Variants in CXCL14 observed in about 807,000 individuals in gnomAD.
CXCL14 encodes the protein C-X-C motif chemokine 14.
In CXCL14, 9 loss-of-function variants were observed where a neutral mutation model predicts 16.1. The ratio of observed to expected loss-of-function variants is 0.56; its 90% CI spans 0.34 to 0.97. The LOEUF is 0.97. CXCL14 is among the 50% of genes least tolerant of loss of function. The probability of loss-of-function intolerance (pLI) is 0.02; values close to 1 mark genes in which losing one functional copy is unlikely to be tolerated. For synonymous variants in CXCL14, 55 were observed against 52.8 expected, an observed-to-expected ratio of 1.04 and a Z score of -0.18; for missense variants, 111 against 132.5, an observed-to-expected ratio of 0.84 and a Z score of 0.80.
Position 135,578,521 on chromosome 5 carries a change from G to T in CXCL14, c.83C>A (p.Ser28Tyr). Residue 28 changes from serine to tyrosine, a missense_variant, in exon 2 of 4, where the codon TCC becomes TAC. Physicochemically the swap from Ser to Tyr is moderately radical, Grantham distance 144 (BLOSUM62 -2). Coordinates refer to ENST00000512158, the MANE Select transcript of CXCL14 (RefSeq NM_004887.5). ...ARVDGSKCKCSRKGPKIRYSD... is the reference protein window; with the variant it reads ...ARVDGSKCKCYRKGPKIRYSD... ...GTAGCGGATCTTGGGTCCCTTCCGG[G>T]AGCACTTGCATTTGGACCCTGCGAG... 6.2e-7 allele frequency: 1 copy of T among 1,614,166 alleles called. No individual in the cohort carries two copies. The highest frequency in any genetic ancestry group is 1.1e-5 in the South Asian group (1 of 91,062).
chr5:135,571,785 T>TTTG lies in CXCL14; in HGVS notation c.*67_*68insCAA. On this transcript the variant is annotated 3_prime_UTR_variant, in exon 4 of 4. Transcript: ENST00000512158. ...TTTTTTTTTTTTTTTTTTTTTTTTTTAATCTGCAAAGTCCTTTGCACAAGT... is the reference window on the plus strand; with the variant it reads ...TTTTTTTTTTTTTTTTTTTTTTTTTTTTGAATCTGCAAAGTCCTTTGCACAAGT... 1 of 412,548 alleles carries TTTG rather than the reference T, an allele frequency of 2.4e-6. No homozygotes were observed. The highest frequency in any genetic ancestry group is 4.2e-6 in the Non-Finnish European group (1 of 237,284). The allele number at this position is 412,548 out of a possible 1,614,324, so 25.6% of individuals were successfully genotyped here. A position where few individuals can be genotyped will look rare whatever the true frequency, so the allele number is the denominator to read the frequency against.
intron 2 of CXCL14, among the ~76,000 whole-genome samples, chr5:135,577,428 T>G (rs1466230340): frequency 6.6e-6 from 1 of 152,214 alleles, no homozygotes; most frequent in Non-Finnish European, 1.5e-5. Flanking sequence ...TCAGCTCAGT[T>G]CCAGTGGATT....
rs189027519 is a variant in CXCL14, at chr5:135,576,366, T to G, written c.171-1681A>C. On this transcript the variant is annotated intron_variant, in intron 2 of 3. Coordinates refer to ENST00000512158, the MANE Select transcript of CXCL14 (RefSeq NM_004887.5). ...CATTCTGAAGGAAAGGACGTGGTAA[T>G]GCCTGATAAAAACCCTTTCTCAGTT... Among the ~76,000 whole-genome samples, 34 of 152,352 alleles carry G rather than the reference T, an allele frequency of 2.2e-4. No homozygotes were observed. In the East Asian group the frequency reaches 5.0e-3, roughly 22 times the overall value.
chr5:135,575,968 C>G (rs1005574223), intron 2 of CXCL14, among the ~76,000 whole-genome samples: 20 of 152,168 alleles, frequency 1.3e-4, no homozygotes, highest in Admixed American at 1.1e-3. Flanking sequence ...CTTATATGGG[C>G]TAAGTTCTAG....
chr5:135,575,026 G>T (rs1751078633), intron 2 of CXCL14, among the ~76,000 whole-genome samples: 1 of 152,124 alleles, frequency 6.6e-6, no homozygotes, highest in Admixed American at 6.5e-5. Flanking sequence ...GGGGAACAAA[G>T]GTCAGAGGAC....
intron 3 of CXCL14, 52 bp downstream of exon 3, chr5:135,574,520 A>G: frequency 6.7e-7 from 1 of 1,488,824 alleles, no homozygotes; most frequent in Non-Finnish European, 9.3e-7. Flanking sequence ...TCCCATCCTG[A>G]GAGCCACAGC....
chr5:135,577,321 A>T (rs1751117989), intron 2 of CXCL14, among the ~76,000 whole-genome samples: 1 of 152,152 alleles, frequency 6.6e-6, no homozygotes, highest in Admixed American at 6.5e-5. Context: ...GCCCCCACCC[A>T]AAAGGATTTT....
intron 2 of CXCL14, among the ~76,000 whole-genome samples, chr5:135,577,862 A>T (rs1468182807): frequency 1.3e-5 from 2 of 152,206 alleles, no homozygotes; most frequent in African/African-American, 4.8e-5. Context: ...TTTCTGCAGT[A>T]CTGCTCCGTA....
rs1580696029 is a variant in CXCL14 at position 135,578,726 on chromosome 5, G to A, written c.53C>T (p.Ala18Val). The A allele has an allele frequency of 6.5e-7, 1 of 1,550,074 alleles. No individual in the cohort carries two copies. Among genetic ancestry groups the A allele is most frequent in the Non-Finnish European group, 8.7e-7 (1 of 1,146,894 alleles). ...CTCCCCGCACTCACCGTCCACACGC[G>A]CGGTGTACAGCGCCAGCAGCAGCAG... ...LLLLLLALYT[A>V]RVDGSKCKCS... Residue 18 changes from alanine to valine, a missense_variant, in exon 1 of 4, where the codon GCG becomes GTG. Physicochemically the swap from Ala to Val is moderately conservative, Grantham distance 64. Coordinates refer to ENST00000512158, the MANE Select transcript of CXCL14 (RefSeq NM_004887.5).
Position 135,578,832 on chromosome 5 carries a change from G to T in CXCL14, c.-54C>A. The T allele has an allele frequency of 1.3e-6, 2 of 1,482,738 alleles. No homozygotes were observed. The highest frequency in any genetic ancestry group is 1.8e-6 in the Non-Finnish European group (2 of 1,122,982). 91.8% of individuals were successfully genotyped at this position (1,482,738 alleles called of 1,614,324 possible). A position where few individuals can be genotyped will look rare whatever the true frequency, so the allele number is the denominator to read the frequency against. On this transcript the variant is annotated 5_prime_UTR_variant, in exon 1 of 4. Coordinates refer to ENST00000512158, the MANE Select transcript of CXCL14 (RefSeq NM_004887.5). Reference sequence around the variant, plus strand: ...AGGGACATGGGGAGGGCGCTGGCCCGTCGGAGCGGCGGCCCGGAGACGCCA... The same window carrying T: ...AGGGACATGGGGAGGGCGCTGGCCCTTCGGAGCGGCGGCCCGGAGACGCCA...
intron 2 of CXCL14, among the ~76,000 whole-genome samples, chr5:135,576,599 C>T (rs999465588): frequency 2.0e-5 from 3 of 152,188 alleles, no homozygotes; most frequent in Non-Finnish European, 2.9e-5. Context: ...CCCTCTCCTC[C>T]ACAGTTCTGG....
At chr5:135,571,973 C>A in intron 3 of CXCL14, 105 bp from the exon 4 acceptor site, 1 of 1,164,716 alleles carries the variant, frequency 8.6e-7, no homozygotes, top group Non-Finnish European at 1.3e-6. Flanking sequence ...AGGGAATGCC[C>A]CTGTCCCAGA....
At position 135,578,793 on chromosome 5, in the gene CXCL14, C is replaced by A. The variant is rs1389862492; in HGVS notation, c.-15G>T. ...AGGAGCCTCATGCTGACCGGAGGGG[C>A]GCGGCGTGGGAGCAGGGACATGGGG... On this transcript the variant is annotated 5_prime_UTR_variant, in exon 1 of 4. Transcript: ENST00000512158. 1.3e-6 allele frequency: 2 copies of A among 1,534,880 alleles called. No individual in the cohort carries two copies. The highest frequency in any genetic ancestry group is 2.2e-5 in the Admixed American group (1 of 46,042).
chr5:135,571,742 C>CTTTTTTTTTTTT lies in CXCL14; in HGVS notation c.*99_*110dup, dbSNP rs566365690. 4.1e-5 allele frequency: 19 copies of CTTTTTTTTTTTT among 460,614 alleles called. 2 individuals are homozygous for CTTTTTTTTTTTT. Among genetic ancestry groups the CTTTTTTTTTTTT allele is most frequent in the East Asian group, 9.9e-5 (2 of 20,174 alleles). 28.5% of individuals were successfully genotyped at this position (460,614 alleles called of 1,614,324 possible). A position where few individuals can be genotyped will look rare whatever the true frequency, so the allele number is the denominator to read the frequency against. ...GTCTTATGCCTGTGAGAAAGAAAGGCTTTTTTTTTTTTTTTTTTTTTTTTT... is the reference window on the plus strand; with the variant it reads ...GTCTTATGCCTGTGAGAAAGAAAGGCTTTTTTTTTTTTTTTTTTTTTTTTTTTTTTTTTTTTT... On this transcript the variant is annotated 3_prime_UTR_variant, in exon 4 of 4. Coordinates refer to ENST00000512158, the MANE Select transcript of CXCL14 (RefSeq NM_004887.5).
intron 2 of CXCL14, 137 bp downstream of exon 2, chr5:135,578,297 G>A (rs1471026498): frequency 2.8e-6 from 2 of 713,256 alleles, no homozygotes; most frequent in Non-Finnish European, 4.8e-6. Context: ...GGACTCTCTG[G>A]GCAATTACAA....
Position 135,578,886 on chromosome 5 carries a change from G to A in CXCL14, c.-108C>T. 1 of 1,241,762 alleles carries A rather than the reference G, an allele frequency of 8.1e-7. No homozygotes were observed. The highest frequency in any genetic ancestry group is 1.7e-5 in the South Asian group (1 of 59,340). The allele number at this position is 1,241,762 out of a possible 1,614,324, so 76.9% of individuals were successfully genotyped here. On this transcript the variant is annotated 5_prime_UTR_variant, in exon 1 of 4. Coordinates refer to ENST00000512158, the MANE Select transcript of CXCL14 (RefSeq NM_004887.5). ...AGCTCTGCTCGGCTTTCTCTGCCCG[G>A]GGCGCGCCTTCCGGCTCTGCTGGCT...
chr5:135,574,011 G>C (rs1751061506), intron 3 of CXCL14, among the ~76,000 whole-genome samples: 1 of 152,212 alleles, frequency 6.6e-6, no homozygotes, highest in Non-Finnish European at 1.5e-5. Context: ...ATTTTAAAGA[G>C]CCAAACCTGT....
Position 135,578,723 on chromosome 5 carries a change from C to G in CXCL14, c.56G>C (p.Arg19Pro), listed in dbSNP as rs1340060661. The change falls in exon 1 of 4, where the codon CGT becomes CCT. Residue 19 changes from arginine to proline, a missense_variant. Transcript: ENST00000512158. Reference protein sequence around the residue: ...LLLLLALYTARVDGSKCKCSR... With the variant: ...LLLLLALYTAPVDGSKCKCSR... ...GAGCTCCCCGCACTCACCGTCCACA[C>G]GCGCGGTGTACAGCGCCAGCAGCAG... 1.3e-6 allele frequency: 2 copies of G among 1,550,734 alleles called. No homozygotes were observed. The highest frequency in any genetic ancestry group is 1.7e-6 in the Non-Finnish European group (2 of 1,147,094).
intron 3 of CXCL14, among the ~76,000 whole-genome samples, chr5:135,573,741 T>TGTGC (rs953024119): frequency 4.7e-5 from 7 of 150,416 alleles, no homozygotes; most frequent in South Asian, 2.1e-4. Context: ...TGTGTGTGTG[T>TGTGC]GCTTCCTGAT....
Sources: allele counts gnomAD v4.1 joint callset (sites outside exome capture counted in the v4.1 genomes callset), GRCh38; gene constraint gnomAD v4.1.1; transcripts MANE v1.5; gene names NCBI Gene and HGNC (gene_info 2026-07-23, HGNC 2026-07-21).